NEK10: variants seen among roughly 807,000 people sequenced by gnomAD.
NEK10 encodes NIMA related kinase 10, also known as serine/threonine-protein kinase Nek10.
NEK10 carries 122 observed loss-of-function variants against 159.8 expected under a neutral mutation model. That is an observed-to-expected ratio of 0.76 (90% CI 0.66 to 0.89). NEK10 has a LOEUF of 0.89. Among genes scored for constraint, NEK10 ranks in the 40% least tolerant of loss-of-function variants. The probability of loss-of-function intolerance (pLI) is 0.00; values close to 1 mark genes in which losing one functional copy is unlikely to be tolerated. For missense variants in NEK10, 1,342 were observed against 1,323.1 expected (o/e 1.01, Z -0.22); for synonymous variants, 466 against 457.1 (o/e 1.02, Z -0.25).
chr3:27,270,919 T>C (rs2041285087), intron 22 of NEK10, among the ~76,000 whole-genome samples: 1 of 152,218 alleles, frequency 6.6e-6, no homozygotes, highest in Non-Finnish European at 1.5e-5. Flanking sequence ...CTATTACATT[T>C]ATTTAATTCT....
chr3:27,230,725 A>C (rs768911860), intron 23 of NEK10, among the ~76,000 whole-genome samples: 2 of 152,062 alleles, frequency 1.3e-5, no homozygotes, highest in Non-Finnish European at 2.9e-5. Context: ...AGCAATTCTT[A>C]TATGAGACAA....
At chr3:27,254,095 T>C (rs1253982234) in intron 23 of NEK10, among the ~76,000 whole-genome samples, 1 of 152,162 alleles carries the variant, frequency 6.6e-6, no homozygotes, top group Admixed American at 6.5e-5. Context: ...AGACATCCTG[T>C]ACACCAAGCT....
chr3:27,213,174 T>A (rs1293772770), intron 23 of NEK10, among the ~76,000 whole-genome samples: 2 of 152,212 alleles, frequency 1.3e-5, no homozygotes, highest in Non-Finnish European at 2.9e-5. Flanking sequence ...TTTAAATAAA[T>A]CTCTGTTTTT....
chr3:27,122,410 C>T (rs768641354), intron 32 of NEK10, among the ~76,000 whole-genome samples: 1 of 152,108 alleles, frequency 6.6e-6, no homozygotes, highest in African/African-American at 2.4e-5. Context: ...ATATATAACC[C>T]ATCTGTAATA....
At chr3:27,151,069 C>T (rs1221258315) in intron 30 of NEK10, among the ~76,000 whole-genome samples, 2 of 152,020 alleles carry the variant, frequency 1.3e-5, no homozygotes, top group Non-Finnish European at 2.9e-5. Context: ...CTTTCCTACC[C>T]ACCCTGGTAG....
intron 30 of NEK10, among the ~76,000 whole-genome samples, chr3:27,155,867 A>G (rs1945356818): frequency 6.6e-6 from 1 of 152,190 alleles, no homozygotes; most frequent in Non-Finnish European, 1.5e-5. Flanking sequence ...ATCTGGAGGC[A>G]TCATACTACC....
At chr3:27,181,902 G>T (rs942904787) in intron 26 of NEK10, among the ~76,000 whole-genome samples, 2 of 151,986 alleles carry the variant, frequency 1.3e-5, no homozygotes, top group Admixed American at 1.3e-4. Context: ...GTTAAAACAA[G>T]GGGTAAAAAT....
chr3:27,289,757 A>C (rs1023977260), intron 19 of NEK10, among the ~76,000 whole-genome samples: 1 of 152,244 alleles, frequency 6.6e-6, no homozygotes, highest in Admixed American at 6.5e-5. Flanking sequence ...CAAACTACAC[A>C]TGAACAAACT....
At chr3:27,173,121 ATTG>A (rs1947169720) in intron 28 of NEK10, among the ~76,000 whole-genome samples, 1 of 152,210 alleles carries the variant, frequency 6.6e-6, no homozygotes, top group African/African-American at 2.4e-5. Flanking sequence ...TATGTTACAA[ATTG>A]TTATTTATTT....
At chr3:27,139,809 G>A (rs1943596638) in intron 31 of NEK10, among the ~76,000 whole-genome samples, 1 of 152,178 alleles carries the variant, frequency 6.6e-6, no homozygotes. Context: ...TACCATGTGT[G>A]ACTTGCACAC....
chr3:27,198,440 A>G (rs1347640104), intron 25 of NEK10, among the ~76,000 whole-genome samples: 1 of 152,154 alleles, frequency 6.6e-6, no homozygotes, highest in Non-Finnish European at 1.5e-5. Context: ...ACAGACACAT[A>G]GACCAATGGA....
intron 22 of NEK10, among the ~76,000 whole-genome samples, chr3:27,258,919 T>C (rs2040141734): frequency 6.6e-6 from 1 of 152,204 alleles, no homozygotes; most frequent in South Asian, 2.1e-4. Context: ...TTCTAACTGG[T>C]GTGAGATGGT....
chr3:27,289,735 C>A (rs17019624), intron 19 of NEK10, among the ~76,000 whole-genome samples: 19,515 of 152,194 alleles, frequency 0.13, 3,106 homozygotes, highest in African/African-American at 0.38. Flanking sequence ...GATGACCATA[C>A]AAACACATGA....
chr3:27,161,969 C>T (rs1442431974), intron 30 of NEK10, among the ~76,000 whole-genome samples: 2 of 151,252 alleles, frequency 1.3e-5, no homozygotes, highest in Non-Finnish European at 2.9e-5. Flanking sequence ...CGTGCCACTG[C>T]ACTCCAGCCT....
chr3:27,154,312 A>T (rs1015263568), intron 30 of NEK10, among the ~76,000 whole-genome samples: 3 of 152,148 alleles, frequency 2.0e-5, no homozygotes, highest in African/African-American at 7.2e-5. Context: ...TAACTTAAAA[A>T]TTACCAACAA....
chr3:27,308,537 T>C (rs932407754), intron 10 of NEK10, among the ~76,000 whole-genome samples: 3 of 152,182 alleles, frequency 2.0e-5, no homozygotes, highest in Admixed American at 1.3e-4. Flanking sequence ...GGAAAGATCT[T>C]CTTGAAAATT....
intron 23 of NEK10, among the ~76,000 whole-genome samples, chr3:27,242,688 A>G (rs1954686110): frequency 6.6e-6 from 1 of 152,232 alleles, no homozygotes; most frequent in Non-Finnish European, 1.5e-5. Flanking sequence ...AAATTTATGA[A>G]GAAAGTACAC....
At chr3:27,358,938 C>T (rs1339751275) in intron 1 of NEK10, among the ~76,000 whole-genome samples, 3 of 152,152 alleles carry the variant, frequency 2.0e-5, no homozygotes, top group Non-Finnish European at 4.4e-5. Flanking sequence ...GGAGTGGTGG[C>T]TTATGCCTGT....
At chr3:27,221,633 C>T (rs1281385858) in intron 23 of NEK10, among the ~76,000 whole-genome samples, 1 of 152,184 alleles carries the variant, frequency 6.6e-6, no homozygotes, top group Non-Finnish European at 1.5e-5. Flanking sequence ...TCAGGCAGGA[C>T]CCTAGACAGT....
Sources: gnomAD v4.1 joint callset for allele counts (sites outside exome capture counted in the v4.1 genomes callset) on GRCh38, gnomAD v4.1.1 for gene constraint, MANE v1.5 for transcripts, NCBI Gene and HGNC (gene_info 2026-07-23, HGNC 2026-07-21) for gene names.